Variants in RBFOX1 observed in about 807,000 individuals in gnomAD.
RBFOX1 encodes RNA binding protein fox-1 homolog 1.
In RBFOX1, 8 loss-of-function variants were observed where a neutral mutation model predicts 57.7. The observed-to-expected ratio is 0.14, with a 90% CI of 0.08 to 0.25. The LOEUF (loss-of-function observed/expected upper bound fraction) is 0.25, where lower values mean the gene tolerates loss of function less well. Ranked by LOEUF, RBFOX1 falls within the 10% of genes least tolerant of loss-of-function variation. The pLI, the probability that RBFOX1 is intolerant of heterozygous loss-of-function variation, is 1.00. For missense variants in RBFOX1, 611 were observed against 548.5 expected (o/e 1.11, Z -1.14); for synonymous variants, 326 against 222.4 (o/e 1.47, Z -4.15).
At chr16:6,767,264 T>G (rs916005248) in intron 3 of RBFOX1, among the ~76,000 whole-genome samples, 1 of 151,904 alleles carries the variant, frequency 6.6e-6, no homozygotes, top group Admixed American at 6.6e-5. Context: ...GTGGCTCAAG[T>G]CTCTCCAAGG....
intron 14 of RBFOX1, among the ~76,000 whole-genome samples, chr16:7,706,510 C>G (rs911931799): frequency 2.6e-5 from 4 of 152,214 alleles, no homozygotes; most frequent in Non-Finnish European, 5.9e-5. Context: ...TAAATACATT[C>G]AAATTGCCCA....
chr16:7,112,003 A>G (rs1462451077), intron 4 of RBFOX1, among the ~76,000 whole-genome samples: 1 of 152,166 alleles, frequency 6.6e-6, no homozygotes, highest in Non-Finnish European at 1.5e-5. Context: ...TTTGGCCTAT[A>G]CAGATTGTAC....
chr16:6,147,193 C>T (rs1288970190), intron 1 of RBFOX1, among the ~76,000 whole-genome samples: 1 of 152,224 alleles, frequency 6.6e-6, no homozygotes, highest in African/African-American at 2.4e-5. Context: ...TCAGAGCCTC[C>T]TTTCATAGAT....
chr16:7,278,595 G>T (rs955291805), intron 4 of RBFOX1, among the ~76,000 whole-genome samples: 5 of 152,052 alleles, frequency 3.3e-5, no homozygotes, highest in Non-Finnish European at 5.9e-5. Context: ...ATTGACTTCT[G>T]TTTGTATCCT....
intron 3 of RBFOX1, among the ~76,000 whole-genome samples, chr16:5,793,631 C>G (rs929584418): frequency 6.6e-6 from 1 of 152,196 alleles, no homozygotes; most frequent in Non-Finnish European, 1.5e-5. Flanking sequence ...GCAGTGCTCA[C>G]AAAGCAGTGA....
chr16:5,485,170 C>A (rs1273288948), intron 2 of RBFOX1, among the ~76,000 whole-genome samples: 21 of 151,662 alleles, frequency 1.4e-4, no homozygotes, highest in Non-Finnish European at 2.5e-4. Flanking sequence ...CATGGAGAAA[C>A]CCCGTCTCTA....
At chr16:5,538,752 G>A (rs373191936) in intron 2 of RBFOX1, among the ~76,000 whole-genome samples, 63 of 151,822 alleles carry the variant, frequency 4.1e-4, no homozygotes, top group African/African-American at 1.3e-3. Flanking sequence ...TTAGACTCCC[G>A]AGTAGCTGGG....
intron 2 of RBFOX1, among the ~76,000 whole-genome samples, chr16:6,548,214 A>T (rs780255847): frequency 6.6e-6 from 1 of 152,156 alleles, no homozygotes; most frequent in Non-Finnish European, 1.5e-5. Flanking sequence ...TATAATCTCC[A>T]TCAGTCTTGT....
At position 7,000,016 on chromosome 16, in the gene RBFOX1, G is replaced by C. The variant is rs1195806967; in HGVS notation, c.-15-52041G>C. Among the ~76,000 whole-genome samples, 3 of 149,634 alleles carry C rather than the reference G, an allele frequency of 2.0e-5. No homozygotes were observed. The East Asian group carries it at 5.9e-4, about 30-fold the overall frequency. ...GGACCTAGCAGGCAGAGGTTGCAGT[G>C]AGCCAAGATCACACCACTGCACTCC... On this transcript the variant is annotated intron_variant, in intron 3 of 15. Transcript: ENST00000550418.
intron 2 of RBFOX1, among the ~76,000 whole-genome samples, chr16:5,561,377 T>G (rs1359413301): frequency 6.6e-6 from 1 of 152,166 alleles, no homozygotes; most frequent in African/African-American, 2.4e-5. Flanking sequence ...GCTTCATTTT[T>G]TTTTTCTTTA....
At chr16:7,254,292 A>T (rs1016894972) in intron 4 of RBFOX1, among the ~76,000 whole-genome samples, 5 of 152,164 alleles carry the variant, frequency 3.3e-5, no homozygotes, top group Admixed American at 3.3e-4. Context: ...TTCTTGACTC[A>T]TTTGCCTTTA....
At chr16:6,499,181 A>G (rs779144022) in intron 2 of RBFOX1, among the ~76,000 whole-genome samples, 11 of 152,246 alleles carry the variant, frequency 7.2e-5, no homozygotes, top group Admixed American at 1.3e-4. Context: ...ATCTCCTCCT[A>G]TTGACTAGGA....
chr16:6,026,680 C>G (rs542418022), intron 1 of RBFOX1, among the ~76,000 whole-genome samples: 2 of 152,360 alleles, frequency 1.3e-5, no homozygotes, highest in East Asian at 3.9e-4. Context: ...ATTACTTTAT[C>G]GTTGTGTAAG....
intron 4 of RBFOX1, among the ~76,000 whole-genome samples, chr16:7,470,365 T>C (rs1348420660): frequency 6.6e-6 from 1 of 152,220 alleles, no homozygotes; most frequent in Non-Finnish European, 1.5e-5. Flanking sequence ...CAGCAAATAT[T>C]TGAAATGAGT....
intron 3 of RBFOX1, among the ~76,000 whole-genome samples, chr16:7,006,856 A>C (rs1442327057): frequency 3.3e-5 from 5 of 152,102 alleles, no homozygotes. Flanking sequence ...CACACTTTGA[A>C]CCCTGCCATT....
chr16:7,336,897 C>G (rs1166729248), intron 4 of RBFOX1, among the ~76,000 whole-genome samples: 1 of 152,130 alleles, frequency 6.6e-6, no homozygotes, highest in Non-Finnish European at 1.5e-5. Context: ...CTTTCTTTAT[C>G]CCAGCTAATG....
chr16:6,542,639 G>C (rs991770233), intron 2 of RBFOX1, among the ~76,000 whole-genome samples: 1 of 151,658 alleles, frequency 6.6e-6, no homozygotes, highest in African/African-American at 2.4e-5. Flanking sequence ...ACAGGCGCCC[G>C]CCACCATGCC....
intron 4 of RBFOX1, among the ~76,000 whole-genome samples, chr16:7,353,597 A>T (rs772491931): frequency 2.6e-5 from 4 of 152,232 alleles, no homozygotes; most frequent in African/African-American, 4.8e-5. Flanking sequence ...ACACGAGATG[A>T]TATAGCATAC....
chr16:5,697,010 T>G (rs904783099), intron 3 of RBFOX1, among the ~76,000 whole-genome samples: 5 of 152,160 alleles, frequency 3.3e-5, no homozygotes, highest in Non-Finnish European at 1.5e-5. Context: ...CCTCCTGGAT[T>G]GAAGCAATTC....
Sources: gnomAD v4.1 joint callset for allele counts (sites outside exome capture counted in the v4.1 genomes callset) on GRCh38, gnomAD v4.1.1 for gene constraint, MANE v1.5 for transcripts, NCBI Gene and HGNC (gene_info 2026-07-23, HGNC 2026-07-21) for gene names.